The following MND1 variants were observed in gnomAD, a reference collection of about 807,000 sequenced individuals.
The protein encoded by MND1 is meiotic nuclear division protein 1 homolog.
Under a neutral mutation model 35.1 loss-of-function variants are expected in MND1, and 28 were observed. The ratio of observed to expected loss-of-function variants is 0.80; its 90% confidence interval spans 0.59 to 1.09. The LOEUF (loss-of-function observed/expected upper bound fraction) is 1.09. MND1 is among the 50% of genes least tolerant of loss of function. The pLI, the probability that MND1 is intolerant of heterozygous loss-of-function variation, is 0.00. For missense variants in MND1, 213 were observed against 239.6 expected, an observed-to-expected ratio of 0.89 and a Z score of 0.73; for synonymous variants, 69 against 70.5, an observed-to-expected ratio of 0.98 and a Z score of 0.11.
rs905072384 is a variant in MND1, at chr4:153,408,958, A to C, written c.467-13A>C. ...TAAATACATTTCATTTTATATATAT[A>C]ATTTTTTTTCAGGCCAAGCAAATAA... On this transcript the variant is annotated splice_polypyrimidine_tract_variant and intron_variant, in intron 6 of 7. Coordinates refer to ENST00000240488, the MANE Select transcript of MND1 (RefSeq NM_032117.4). 8.4e-7 allele frequency: 1 copy of C among 1,188,654 alleles called. No homozygotes were observed. Among genetic ancestry groups the C allele is most frequent in the African/African-American group, 1.6e-5 (1 of 61,256 alleles). 73.6% of individuals were successfully genotyped at this position (1,188,654 alleles called of 1,614,324 possible). A position where few individuals can be genotyped will look rare whatever the true frequency, so the allele number is the denominator to read the frequency against.
chr4:153,345,611 A>C, intron 1 of MND1: 1 of 858,250 alleles, frequency 1.2e-6, no homozygotes, highest in Non-Finnish European at 1.4e-6. Context: ...CGAAGAATCA[A>C]CATCTGGTTA....
At chr4:153,401,725 T>C (rs542125845) in intron 6 of MND1, among the ~76,000 whole-genome samples, 1 of 152,338 alleles carries the variant, frequency 6.6e-6, no homozygotes, top group East Asian at 1.9e-4. Flanking sequence ...TTGCTCAGGC[T>C]TATCTCTAAG....
In MND1 at chr4:153,412,194, A is replaced by G. The variant is rs1216633635; in HGVS notation, c.512-2557A>G. On this transcript the variant is annotated intron_variant, in intron 7 of 7. Coordinates refer to ENST00000240488, the MANE Select transcript of MND1 (RefSeq NM_032117.4). ...ACATTATTCTATTTGATGCAGTAGT[A>G]TTCTCCATAAAATTCATTCCAGAAA... Among the ~76,000 whole-genome samples, 4 of 152,240 alleles carry G rather than the reference A, an allele frequency of 2.6e-5. No homozygotes were observed. The East Asian group carries it at 7.7e-4, about 29-fold the overall frequency.
At chr4:153,407,764 A>C (rs1269833305) in intron 6 of MND1, among the ~76,000 whole-genome samples, 1 of 152,156 alleles carries the variant, frequency 6.6e-6, no homozygotes, top group Non-Finnish European at 1.5e-5. Flanking sequence ...GAGAGGCCAG[A>C]CCTAAAAGAC....
intron 4 of MND1, among the ~76,000 whole-genome samples, chr4:153,390,870 C>CA (rs1292387773): frequency 3.6e-5 from 5 of 139,784 alleles, no homozygotes; most frequent in Middle Eastern, 3.7e-3. Context: ...CAGCCCGTCT[C>CA]AAAAAAAAAG....
At chr4:153,383,931 T>G (rs189387374) in intron 4 of MND1, among the ~76,000 whole-genome samples, 167 of 152,360 alleles carry the variant, frequency 1.1e-3, no homozygotes, top group African/African-American at 3.8e-3. Context: ...AGCCCTCATC[T>G]CTGAATTTGT....
Position 153,397,262 on chromosome 4 carries a change from A to C in MND1, c.395A>C (p.Asp132Ala), listed in dbSNP as rs534937188. The change falls in exon 6 of 8, where the codon GAC (aspartate) becomes GCC (alanine). Residue 132 changes from aspartate to alanine, a missense_variant. Coordinates refer to ENST00000240488, the MANE Select transcript of MND1 (RefSeq NM_032117.4). Reference sequence around the variant, plus strand: ...GCAAAAGAGCTTTCTTCACTTCGAGACCAAAGGGAACAGCTAAAGGCAGAA... The same window carrying C: ...GCAAAAGAGCTTTCTTCACTTCGAGCCCAAAGGGAACAGCTAAAGGCAGAA... ...RLAKELSSLR[D>A]QREQLKAEVE... is the part of the protein sequence containing the mutation. 7 of 1,613,092 alleles carry C rather than the reference A, an allele frequency of 4.3e-6. 1 individual carries two copies. In the South Asian group the frequency reaches 7.7e-5, roughly 18 times the overall value.
intron 4 of MND1, among the ~76,000 whole-genome samples, chr4:153,384,302 A>C (rs1579931980): frequency 1.8e-5 from 2 of 113,474 alleles, no homozygotes; most frequent in Non-Finnish European, 1.7e-5. Flanking sequence ...CCAGGGCCTC[A>C]CTCTGTTGCA....
In MND1 at chr4:153,402,238, A is replaced by G. The variant is rs570122324; in HGVS notation, c.466+4905A>G. Among the ~76,000 whole-genome samples the G allele has an allele frequency of 2.0e-5, 3 of 152,348 alleles. No individual in the cohort carries two copies. In the East Asian group the frequency reaches 5.8e-4, roughly 29 times the overall value. On this transcript the variant is annotated intron_variant, in intron 6 of 7. Coordinates refer to ENST00000240488, the MANE Select transcript of MND1 (RefSeq NM_032117.4). ...CTTTAAACAATTTTTTAATTTAGCT[A>G]TTCTGACCATTATTCAAATGTGACC...
intron 4 of MND1, among the ~76,000 whole-genome samples, chr4:153,392,056 G>A (rs1410318623): frequency 6.6e-5 from 10 of 151,972 alleles, no homozygotes; most frequent in Non-Finnish European, 1.5e-4. Context: ...CATATAACTA[G>A]ATCATATTGT....
At chr4:153,350,951 T>TAAAAAAAAAAAAAAAAA (rs567868452) in intron 2 of MND1, among the ~76,000 whole-genome samples, 4 of 123,544 alleles carry the variant, frequency 3.2e-5, no homozygotes, top group Non-Finnish European at 5.3e-5. Context: ...AGATTCTTAG[T>TAAAAAAAAAAAAAAAAA]AAAAAAAAAA....
At chr4:153,408,690 G>A (rs10016021) in intron 6 of MND1, among the ~76,000 whole-genome samples, 10,458 of 151,868 alleles carry the variant, frequency 0.069, 614 homozygotes, top group African/African-American at 0.16. Context: ...GTACAATGAT[G>A]ATGGACACTT....
chr4:153,396,871 T>C (rs1729210544), intron 5 of MND1, among the ~76,000 whole-genome samples: 1 of 152,002 alleles, frequency 6.6e-6, no homozygotes, highest in African/African-American at 2.4e-5. Context: ...CATAATCTTG[T>C]GAAACTACTC....
intron 6 of MND1, 36 bp from the exon 7 acceptor site, chr4:153,408,933 TAA>T (rs745433309): frequency 1.0e-5 from 7 of 694,802 alleles, no homozygotes; most frequent in African/African-American, 2.0e-5. Context: ...TATATATATA[TAA>T]ATACATTTCA....
At chr4:153,402,943 C>T (rs1579953023) in intron 6 of MND1, among the ~76,000 whole-genome samples, 2 of 152,044 alleles carry the variant, frequency 1.3e-5, no homozygotes, top group African/African-American at 4.8e-5. Context: ...AGTTCAAAAC[C>T]AGTCTGAAGA....
chr4:153,402,550 C>T (rs1729371898), intron 6 of MND1, among the ~76,000 whole-genome samples: 1 of 152,124 alleles, frequency 6.6e-6, no homozygotes, highest in Admixed American at 6.5e-5. Flanking sequence ...TACTCATTTC[C>T]CAGTCTCACC....
At chr4:153,384,295 G>A (rs1296030044) in intron 4 of MND1, among the ~76,000 whole-genome samples, 1 of 130,118 alleles carries the variant, frequency 7.7e-6, no homozygotes, top group African/African-American at 2.8e-5. Flanking sequence ...TAAAGAGCCA[G>A]GGCCTCACTC....
intron 4 of MND1, among the ~76,000 whole-genome samples, chr4:153,384,480 A>T (rs1728800088): frequency 2.4e-5 from 2 of 84,162 alleles, no homozygotes; most frequent in Non-Finnish European, 2.2e-5. Flanking sequence ...TTTGTCAGAG[A>T]TAGGGTCTTG....
intron 3 of MND1, among the ~76,000 whole-genome samples, chr4:153,357,941 A>G (rs748693149): frequency 1.5e-4 from 23 of 152,196 alleles, no homozygotes; most frequent in Non-Finnish European, 2.8e-4. Flanking sequence ...GCAACAGACT[A>G]TGAGTGTTAA....
Sources: allele counts gnomAD v4.1 joint callset (sites outside exome capture counted in the v4.1 genomes callset), GRCh38; gene constraint gnomAD v4.1.1; transcripts MANE v1.5; gene names NCBI Gene and HGNC (gene_info 2026-07-23, HGNC 2026-07-21).